Variants in SOX5 observed in about 807,000 individuals in gnomAD.
SOX5 encodes SRY-box transcription factor 5.
SOX5 carries 9 observed loss-of-function variants against 92.0 expected under a neutral mutation model. The ratio of observed to expected loss-of-function variants is 0.10; its 90% CI spans 0.06 to 0.17. SOX5 has a LOEUF of 0.17. Ranked by LOEUF, SOX5 falls within the 10% of genes least tolerant of loss-of-function variation. The pLI, the probability that SOX5 is intolerant of heterozygous loss-of-function variation, is 1.00. For synonymous variants in SOX5, 344 were observed against 336.3 expected, an observed-to-expected ratio of 1.02 and a Z score of -0.25; for missense variants, 642 against 944.5, an observed-to-expected ratio of 0.68 and a Z score of 4.20.
chr12:24,468,081 A>C (rs1944416685), intron 1 of SOX5, among the ~76,000 whole-genome samples: 1 of 152,208 alleles, frequency 6.6e-6, no homozygotes, highest in South Asian at 2.1e-4. Flanking sequence ...ATGAGGAAGC[A>C]GATTTTACTG....
intron 9 of SOX5, among the ~76,000 whole-genome samples, chr12:23,592,839 G>A (rs940105310): frequency 2.0e-5 from 3 of 152,196 alleles, no homozygotes; most frequent in African/African-American, 7.2e-5. Context: ...AGCACTTTGG[G>A]AAGCTGAGGC....
intron 2 of SOX5, among the ~76,000 whole-genome samples, chr12:23,875,169 C>G (rs1372929220): frequency 6.6e-6 from 1 of 152,052 alleles, no homozygotes; most frequent in African/African-American, 2.4e-5. Context: ...GGAAGTAAAA[C>G]TAATCTTATA....
intron 1 of SOX5, among the ~76,000 whole-genome samples, chr12:24,504,397 C>T (rs996331222): frequency 4.6e-5 from 7 of 152,114 alleles, no homozygotes; most frequent in Non-Finnish European, 8.8e-5. Context: ...TTACAGGTCA[C>T]TAAAAGGCTT....
At chr12:24,144,160 G>C (rs1468267663) in intron 4 of SOX5, among the ~76,000 whole-genome samples, 3 of 150,666 alleles carry the variant, frequency 2.0e-5, no homozygotes, top group African/African-American at 7.3e-5. Flanking sequence ...ATGCAAGCAA[G>C]CAGTGAGTGG....
At chr12:23,759,721 C>T (rs9805000) in intron 3 of SOX5, among the ~76,000 whole-genome samples, 5,934 of 152,042 alleles carry the variant, frequency 0.039, 388 homozygotes, top group African/African-American at 0.13. Flanking sequence ...TGTTTGTTAA[C>T]GTGTGAATAT....
At chr12:24,231,491 T>TA (rs1963389860) in intron 3 of SOX5, among the ~76,000 whole-genome samples, 1 of 152,194 alleles carries the variant, frequency 6.6e-6, no homozygotes, top group South Asian at 2.1e-4. Flanking sequence ...AAAGGAAGTA[T>TA]AGGCTAGAGG....
intron 2 of SOX5, among the ~76,000 whole-genome samples, chr12:24,317,289 T>C (rs900918412): frequency 6.6e-6 from 1 of 152,244 alleles, no homozygotes; most frequent in African/African-American, 2.4e-5. Context: ...ATTACTTACT[T>C]TGAAGACTTG....
chr12:24,417,705 T>C (rs1199838519), intron 1 of SOX5, among the ~76,000 whole-genome samples: 7 of 152,058 alleles, frequency 4.6e-5, no homozygotes, highest in Admixed American at 2.6e-4. Flanking sequence ...TTGAGCTGGG[T>C]TTTTAGGAGC....
chr12:24,355,280 ATCTTTTTTTTTTTT>A (rs1954666402), intron 2 of SOX5, among the ~76,000 whole-genome samples: 9 of 84,030 alleles, frequency 1.1e-4, no homozygotes, highest in African/African-American at 5.2e-4. Context: ...TGAGGGGTGC[ATCTTTTTTTTTTTT>A]TTTTTTTTTT....
chr12:23,538,363 A>G (rs1941088786), intron 13 of SOX5, among the ~76,000 whole-genome samples: 1 of 152,226 alleles, frequency 6.6e-6, no homozygotes, highest in African/African-American at 2.4e-5. Flanking sequence ...AATTTATTCT[A>G]TTTACAGTAT....
intron 4 of SOX5, among the ~76,000 whole-genome samples, chr12:24,175,274 A>G (rs1412100305): frequency 6.6e-6 from 1 of 152,252 alleles, no homozygotes; most frequent in Non-Finnish European, 1.5e-5. Context: ...CAGTTCAACT[A>G]TAAGGATTGT....
intron 4 of SOX5, among the ~76,000 whole-genome samples, chr12:24,121,078 C>A (rs1457128532): frequency 1.3e-5 from 2 of 152,190 alleles, no homozygotes; most frequent in African/African-American, 4.8e-5. Flanking sequence ...AAACCCAATT[C>A]ACTCATTGCA....
At position 24,106,246 on chromosome 12, in the gene SOX5, C is replaced by T. The variant is rs547287357; in HGVS notation, c.-2+107097G>A. Among the ~76,000 whole-genome samples, 10 of 147,866 alleles carry T rather than the reference C, an allele frequency of 6.8e-5. No homozygotes were observed. In the South Asian group the frequency reaches 1.9e-3, roughly 28 times the overall value. ...AAGTCCTAACAAGTCAATAATTAAA[C>T]AACCCAATCAAAATGGGCAAAATAT... On this transcript the variant is annotated intron_variant, in intron 4 of 4. Transcript: ENST00000446891.
chr12:23,663,113 A>G (rs1405574565), intron 7 of SOX5, among the ~76,000 whole-genome samples: 1 of 152,130 alleles, frequency 6.6e-6, no homozygotes, highest in Non-Finnish European at 1.5e-5. Context: ...ACTTCCACCC[A>G]GTTCTTCATT....
intron 4 of SOX5, among the ~76,000 whole-genome samples, chr12:24,160,357 A>G (rs1006778783): frequency 1.3e-5 from 2 of 152,056 alleles, no homozygotes; most frequent in African/African-American, 4.8e-5. Flanking sequence ...TGATGTACTA[A>G]AAGAAGAATG....
chr12:24,487,969 G>A (rs1016664028), intron 1 of SOX5, among the ~76,000 whole-genome samples: 7 of 152,072 alleles, frequency 4.6e-5, no homozygotes, highest in African/African-American at 7.2e-5. Context: ...TCTCTCTTCC[G>A]TAGCAGGATT....
intron 4 of SOX5, among the ~76,000 whole-genome samples, chr12:24,171,144 T>TTC (rs1323762558): frequency 2.7e-5 from 4 of 149,810 alleles, no homozygotes; most frequent in Middle Eastern, 3.2e-3. Context: ...ATCTATTTTT[T>TTC]TTTTTTTTTT....
At position 24,526,678 on chromosome 12, in the gene SOX5, C is replaced by T. The variant is rs183550029; in HGVS notation, c.-251+35651G>A. Among the ~76,000 whole-genome samples the T allele has an allele frequency of 3.1e-3, 467 of 152,284 alleles. 3 individuals carry two copies. The highest frequency in any genetic ancestry group is 9.5e-3 in the African/African-American group (396 of 41,550). On this transcript the variant is annotated intron_variant, in intron 1 of 4. Transcript: ENST00000446891. Reference sequence around the variant, plus strand: ...CTCTCTCCCATCACTGGGCCCAGCACGTGCTACTCCTTCTCTTGAGAATGC... The same window carrying T: ...CTCTCTCCCATCACTGGGCCCAGCATGTGCTACTCCTTCTCTTGAGAATGC...
intron 1 of SOX5, among the ~76,000 whole-genome samples, chr12:23,927,853 T>C (rs1414671184): frequency 6.6e-6 from 1 of 152,066 alleles, no homozygotes; most frequent in Non-Finnish European, 1.5e-5. Context: ...TAATATCATG[T>C]TCCGCAAAAC....
Sources: gnomAD v4.1 joint callset for allele counts (sites outside exome capture counted in the v4.1 genomes callset) on GRCh38, gnomAD v4.1.1 for gene constraint, MANE v1.5 for transcripts, NCBI Gene and HGNC (gene_info 2026-07-23, HGNC 2026-07-21) for gene names.